LRMDA: variants seen among roughly 807,000 people sequenced by gnomAD.
The protein encoded by LRMDA is leucine rich melanocyte differentiation associated.
LRMDA carries 18 observed loss-of-function variants against 29.8 expected under a neutral mutation model. That is an observed-to-expected ratio of 0.60 (90% CI 0.42 to 0.90). LRMDA has a LOEUF of 0.90. LRMDA is among the 40% of genes least tolerant of loss of function. The pLI is 0.00. For missense variants in LRMDA, 273 were observed against 273.9 expected, an observed-to-expected ratio of 1.00 and a Z score of 0.02; for synonymous variants, 125 against 109.4, an observed-to-expected ratio of 1.14 and a Z score of -0.89.
chr10:75,751,861 A>G (rs867326774), intron 2 of LRMDA, among the ~76,000 whole-genome samples: 9 of 152,320 alleles, frequency 5.9e-5, no homozygotes, highest in Middle Eastern at 6.8e-3. Flanking sequence ...TCAAACCAGT[A>G]GTTCCTGAAG....
At chr10:76,119,475 T>C (rs1849736958) in intron 5 of LRMDA, among the ~76,000 whole-genome samples, 1 of 152,180 alleles carries the variant, frequency 6.6e-6, no homozygotes. Flanking sequence ...CCATATAGTA[T>C]GTCAAGCTTC....
chr10:76,095,434 A>G (rs1849298141), intron 5 of LRMDA, among the ~76,000 whole-genome samples: 1 of 152,222 alleles, frequency 6.6e-6, no homozygotes, highest in African/African-American at 2.4e-5. Flanking sequence ...TGCTATTAAC[A>G]TTTGCATAGA....
intron 5 of LRMDA, among the ~76,000 whole-genome samples, chr10:76,317,472 G>A (rs1051552691): frequency 6.6e-6 from 1 of 152,074 alleles, no homozygotes; most frequent in Admixed American, 6.5e-5. Context: ...CATTGTATAT[G>A]AGTAGTGTTT....
intron 2 of LRMDA, among the ~76,000 whole-genome samples, chr10:75,754,781 T>C (rs1387519651): frequency 6.6e-6 from 1 of 152,156 alleles, no homozygotes; most frequent in East Asian, 1.9e-4. Context: ...ATTTTTTCTC[T>C]CTCTCTCCCC....
rs147742883 is a variant in LRMDA, at chr10:75,432,720, C to T, written c.30+966C>T. On this transcript the variant is annotated intron_variant, in intron 1 of 6. Coordinates refer to ENST00000611255, the MANE Select transcript of LRMDA (RefSeq NM_001305581.2). ...TACTTTGGGCTGAAGGGAATGATTCCTCCTTAGAGGAGATTCTAGGGGTTT... is the reference window on the plus strand; with the variant it reads ...TACTTTGGGCTGAAGGGAATGATTCTTCCTTAGAGGAGATTCTAGGGGTTT... Among the ~76,000 whole-genome samples the T allele has an allele frequency of 3.9e-3, 593 of 152,348 alleles. 6 individuals carry two copies. Among genetic ancestry groups the T allele is most frequent in the Non-Finnish European group, 6.7e-3 (453 of 68,034 alleles).
At chr10:76,399,299 A>G (rs1008456662) in intron 6 of LRMDA, among the ~76,000 whole-genome samples, 23 of 152,110 alleles carry the variant, frequency 1.5e-4, no homozygotes, top group African/African-American at 5.3e-4. Context: ...TCCTGGTGGG[A>G]TCAGTTTTCG....
intron 2 of LRMDA, among the ~76,000 whole-genome samples, chr10:75,858,841 C>T (rs1564588568): frequency 6.6e-6 from 1 of 152,160 alleles, no homozygotes; most frequent in South Asian, 2.1e-4. Context: ...GCTCCTCTAC[C>T]CCTAATCTCT....
At chr10:76,000,722 T>C (rs1358512548) in intron 2 of LRMDA, among the ~76,000 whole-genome samples, 2 of 152,128 alleles carry the variant, frequency 1.3e-5, no homozygotes, top group Non-Finnish European at 2.9e-5. Context: ...ATTTCAGAGC[T>C]GTATCATGTG....
At chr10:75,484,310 T>C (rs567924331) in intron 2 of LRMDA, among the ~76,000 whole-genome samples, 1 of 152,266 alleles carries the variant, frequency 6.6e-6, no homozygotes, top group African/African-American at 2.4e-5. Flanking sequence ...TTTCTTAATA[T>C]TGAGGTACTT....
At chr10:76,258,174 C>CT (rs1839891281) in intron 5 of LRMDA, among the ~76,000 whole-genome samples, 3 of 152,252 alleles carry the variant, frequency 2.0e-5, no homozygotes, top group Non-Finnish European at 2.9e-5. Context: ...TTTTTGCAGC[C>CT]TTTTTTGTGA....
chr10:75,942,604 C>T (rs974302560), intron 2 of LRMDA, among the ~76,000 whole-genome samples: 1 of 152,044 alleles, frequency 6.6e-6, no homozygotes, highest in Non-Finnish European at 1.5e-5. Flanking sequence ...AAACACTGTG[C>T]TTGGTTTATG....
intron 2 of LRMDA, among the ~76,000 whole-genome samples, chr10:75,605,810 G>A (rs556211834): frequency 6.6e-6 from 1 of 152,160 alleles, no homozygotes; most frequent in African/African-American, 2.4e-5. Flanking sequence ...GATGGCAGCG[G>A]CTGGGAACTG....
Position 76,114,361 on chromosome 10 carries a change from A to G in LRMDA, c.516+55578A>G, listed in dbSNP as rs551425927. 2.1e-3 allele frequency among the ~76,000 whole-genome samples: 325 copies of G among 152,326 alleles called. 2 individuals carry two copies. The highest frequency in any genetic ancestry group is 7.3e-3 in the African/African-American group (303 of 41,576). ...TGGGCTAGTGGTAGAGGATCAGTAA[A>G]TGGAAACAAACATAACAACAGGGCA... On this transcript the variant is annotated intron_variant, in intron 5 of 6. Coordinates refer to ENST00000611255, the MANE Select transcript of LRMDA (RefSeq NM_001305581.2).
intron 2 of LRMDA, among the ~76,000 whole-genome samples, chr10:75,820,537 A>T (rs1844139761): frequency 6.6e-6 from 1 of 152,242 alleles, no homozygotes; most frequent in Non-Finnish European, 1.5e-5. Flanking sequence ...AAAGGATTAA[A>T]TGCCTGCATA....
chr10:75,526,075 T>TC (rs1845409902), intron 2 of LRMDA, among the ~76,000 whole-genome samples: 1 of 151,886 alleles, frequency 6.6e-6, no homozygotes, highest in Non-Finnish European at 1.5e-5. Flanking sequence ...TATTTTCATT[T>TC]CTTTTTTAGA....
At chr10:76,026,955 C>A (rs1001584114) in intron 2 of LRMDA, among the ~76,000 whole-genome samples, 1 of 152,112 alleles carries the variant, frequency 6.6e-6, no homozygotes, top group East Asian at 1.9e-4. Flanking sequence ...TGACAAGTTT[C>A]AAAAAATTGA....
chr10:76,244,745 A>T (rs952065350), intron 5 of LRMDA, among the ~76,000 whole-genome samples: 11 of 152,138 alleles, frequency 7.2e-5, no homozygotes, highest in African/African-American at 2.7e-4. Flanking sequence ...TCTTTAGTTC[A>T]TTGATTTTAG....
chr10:76,239,506 C>T (rs1852229167), intron 5 of LRMDA, among the ~76,000 whole-genome samples: 1 of 151,980 alleles, frequency 6.6e-6, no homozygotes. Context: ...TTGCTGTATC[C>T]CTTTGATCTT....
chr10:76,425,576 A>G (rs1421418542), intron 6 of LRMDA, among the ~76,000 whole-genome samples: 1 of 151,146 alleles, frequency 6.6e-6, no homozygotes, highest in East Asian at 1.9e-4. Context: ...AATAATAATT[A>G]TTATTTTATT....
Sources: gnomAD v4.1 joint callset for allele counts (sites outside exome capture counted in the v4.1 genomes callset) on GRCh38, gnomAD v4.1.1 for gene constraint, MANE v1.5 for transcripts, NCBI Gene and HGNC (gene_info 2026-07-23, HGNC 2026-07-21) for gene names.